KCNJ6: variants seen among roughly 807,000 people sequenced by gnomAD.
KCNJ6 encodes potassium inwardly rectifying channel subfamily J member 6.
Under a neutral mutation model 34.2 loss-of-function variants are expected in KCNJ6, and 9 were observed. That is an observed-to-expected ratio of 0.26 (90% CI 0.16 to 0.46). The LOEUF (loss-of-function observed/expected upper bound fraction) is 0.46, where lower values mean the gene tolerates loss of function less well. Ranked by LOEUF, KCNJ6 falls within the 20% of genes least tolerant of loss-of-function variation. The pLI is 1.00. For synonymous variants in KCNJ6, 196 were observed against 207.1 expected, an observed-to-expected ratio of 0.95 and a Z score of 0.46; for missense variants, 236 against 531.3, an observed-to-expected ratio of 0.44 and a Z score of 5.46.
At chr21:37,910,287 G>A (rs773483864) in intron 1 of KCNJ6, among the ~76,000 whole-genome samples, 1 of 152,164 alleles carries the variant, frequency 6.6e-6, no homozygotes, top group Non-Finnish European at 1.5e-5. Context: ...ACCGGAGCCT[G>A]TGCTCTTAAT....
At chr21:37,645,038 GA>G (rs2054398001) in intron 3 of KCNJ6, among the ~76,000 whole-genome samples, 1 of 135,862 alleles carries the variant, frequency 7.4e-6, no homozygotes, top group African/African-American at 2.6e-5. Flanking sequence ...TTTTTTTTGT[GA>G]AAAAACAGAC....
At chr21:37,691,464 C>G (rs1434022619) in intron 3 of KCNJ6, among the ~76,000 whole-genome samples, 1 of 152,158 alleles carries the variant, frequency 6.6e-6, no homozygotes, top group East Asian at 1.9e-4. Flanking sequence ...ACAGCCTGCT[C>G]AGAGCTCTGG....
intron 2 of KCNJ6, among the ~76,000 whole-genome samples, chr21:37,763,327 C>T (rs2055075251): frequency 6.6e-6 from 1 of 152,168 alleles, no homozygotes; most frequent in South Asian, 2.1e-4. Flanking sequence ...GATCTGTCTT[C>T]TCGTGGTAAG....
At chr21:37,627,490 A>G (rs922682110) in intron 3 of KCNJ6, among the ~76,000 whole-genome samples, 1 of 152,214 alleles carries the variant, frequency 6.6e-6, no homozygotes, top group African/African-American at 2.4e-5. Context: ...TCAGAATGAG[A>G]AACAAACAGG....
intron 2 of KCNJ6, among the ~76,000 whole-genome samples, chr21:37,755,994 A>G (rs370792278): frequency 9.9e-5 from 15 of 152,276 alleles, no homozygotes; most frequent in African/African-American, 3.1e-4. Flanking sequence ...AAAAATCAAC[A>G]CCAAATGGGT....
intron 3 of KCNJ6, among the ~76,000 whole-genome samples, chr21:37,631,517 G>T (rs2054333622): frequency 6.6e-6 from 1 of 152,126 alleles, no homozygotes; most frequent in Non-Finnish European, 1.5e-5. Flanking sequence ...TGAGGCCTCT[G>T]GACAATGTAC....
intron 2 of KCNJ6, among the ~76,000 whole-genome samples, chr21:37,732,247 A>G (rs986912348): frequency 1.3e-5 from 2 of 152,212 alleles, no homozygotes; most frequent in African/African-American, 4.8e-5. Flanking sequence ...ACACAATGCC[A>G]GGCACAGCAG....
intron 3 of KCNJ6, among the ~76,000 whole-genome samples, chr21:37,690,325 A>G (rs2054633925): frequency 6.6e-6 from 1 of 152,222 alleles, no homozygotes; most frequent in African/African-American, 2.4e-5. Context: ...TAAAGCTTCA[A>G]GGACTTGTCA....
At chr21:37,776,810 T>G (rs188709584) in intron 2 of KCNJ6, among the ~76,000 whole-genome samples, 12 of 152,298 alleles carry the variant, frequency 7.9e-5, no homozygotes, top group Non-Finnish European at 1.3e-4. Flanking sequence ...TAAAATTCTC[T>G]TTTTTTGTTG....
intron 2 of KCNJ6, among the ~76,000 whole-genome samples, chr21:37,759,779 C>T (rs1444815191): frequency 6.6e-6 from 1 of 152,238 alleles, no homozygotes; most frequent in East Asian, 1.9e-4. Flanking sequence ...CTCCTTCCTT[C>T]CAAAGGCAGA....
chr21:37,646,963 G>A (rs749710556), intron 3 of KCNJ6, among the ~76,000 whole-genome samples: 1 of 152,110 alleles, frequency 6.6e-6, no homozygotes, highest in African/African-American at 2.4e-5. Context: ...CTGAGCCACC[G>A]TGCCTGGCCA....
chr21:37,793,579 A>C (rs1225885517), intron 2 of KCNJ6, among the ~76,000 whole-genome samples: 2 of 147,420 alleles, frequency 1.4e-5, no homozygotes, highest in Non-Finnish European at 3.0e-5. Flanking sequence ...AAAGAGTGAG[A>C]GCTATCAAGC....
chr21:37,826,353 G>T (rs1332736631), intron 2 of KCNJ6, among the ~76,000 whole-genome samples: 1 of 152,124 alleles, frequency 6.6e-6, no homozygotes, highest in Non-Finnish European at 1.5e-5. Flanking sequence ...CCAGGAAGTG[G>T]GGCATTTCAG....
chr21:37,777,797 G>C (rs1428361139), intron 2 of KCNJ6, among the ~76,000 whole-genome samples: 1 of 152,190 alleles, frequency 6.6e-6, no homozygotes, highest in Admixed American at 6.5e-5. Context: ...TCTGTCACCA[G>C]TGTTCCCAGT....
chr21:37,896,559 G>T (rs1358493327), intron 1 of KCNJ6, among the ~76,000 whole-genome samples: 2 of 152,196 alleles, frequency 1.3e-5, no homozygotes, highest in East Asian at 3.9e-4. Context: ...TGTGGGCCGT[G>T]AAGGTGCAGA....
At chr21:37,634,236 A>T (rs1020324125) in intron 3 of KCNJ6, among the ~76,000 whole-genome samples, 1 of 152,116 alleles carries the variant, frequency 6.6e-6, no homozygotes, top group African/African-American at 2.4e-5. Context: ...GTAATGAGTA[A>T]GTTCTCGTTC....
At chr21:37,677,771 T>TCCATCCAC (rs2054571577) in intron 3 of KCNJ6, among the ~76,000 whole-genome samples, 2 of 14,118 alleles carry the variant, frequency 1.4e-4, no homozygotes, top group Non-Finnish European at 2.8e-4. Flanking sequence ...AAACCATTTG[T>TCCATCCAC]CCATCCATCC....
At position 37,614,820 on chromosome 21, in the gene KCNJ6, A is replaced by T. The variant is rs1044209813; in HGVS notation, c.*10339T>A. The T allele has an allele frequency of 7.8e-6, 1 of 127,948 alleles. No homozygotes were observed. The highest frequency in any genetic ancestry group is 2.9e-5 in the African/African-American group (1 of 34,572). 7.9% of individuals were successfully genotyped at this position (127,948 alleles called of 1,614,324 possible). A position where few individuals can be genotyped will look rare whatever the true frequency, so the allele number is the denominator to read the frequency against. ...TGTGTCTGTGTGTGTATTTGTGTGTATGTGTGTGTGTTATGTAGGGAGAGG... is the reference window on the plus strand; with the variant it reads ...TGTGTCTGTGTGTGTATTTGTGTGTTTGTGTGTGTGTTATGTAGGGAGAGG... On this transcript the variant is annotated 3_prime_UTR_variant, in exon 4 of 4. Coordinates refer to ENST00000609713, the MANE Select transcript of KCNJ6 (RefSeq NM_002240.5).
At chr21:37,693,992 A>G (rs2054652513) in intron 3 of KCNJ6, among the ~76,000 whole-genome samples, 1 of 152,198 alleles carries the variant, frequency 6.6e-6, no homozygotes, top group African/African-American at 2.4e-5. Context: ...GATTATCTAA[A>G]CATTGACATT....
Sources: allele counts gnomAD v4.1 joint callset (sites outside exome capture counted in the v4.1 genomes callset), GRCh38; gene constraint gnomAD v4.1.1; transcripts MANE v1.5; gene names NCBI Gene and HGNC (gene_info 2026-07-23, HGNC 2026-07-21).